Variants in NCOA6 observed in about 807,000 individuals in gnomAD.
NCOA6 encodes the protein nuclear receptor coactivator 6.
In NCOA6, 49 loss-of-function variants were observed where a neutral mutation model predicts 171.4. The observed-to-expected ratio is 0.29, with a 90% CI of 0.23 to 0.36. NCOA6 has a LOEUF of 0.36. Ranked by LOEUF, NCOA6 falls within the 10% of genes least tolerant of loss-of-function variation. The pLI is 1.00. For missense variants in NCOA6, 2,248 were observed against 2,554.5 expected (o/e 0.88, Z 2.59); for synonymous variants, 910 against 927.5 (o/e 0.98, Z 0.34).
chr20:34,809,488 T>C (rs1215546590), intron 1 of NCOA6: 4 of 398,538 alleles, frequency 1.0e-5, no homozygotes, highest in Non-Finnish European at 1.8e-5. Flanking sequence ...TCAGAAAAGT[T>C]AGTCAGTGGG....
intron 2 of NCOA6, among the ~76,000 whole-genome samples, chr20:34,785,187 CTGTTA>C (rs1342067316): frequency 6.6e-6 from 1 of 151,948 alleles, no homozygotes; most frequent in African/African-American, 2.4e-5. Context: ...AAAAATTCTT[CTGTTA>C]TAAGTAAATA....
chr20:34,776,696 A>G (rs1259728868), intron 3 of NCOA6: 11 of 607,448 alleles, frequency 1.8e-5, no homozygotes, highest in Non-Finnish European at 3.0e-5. Flanking sequence ...ACTATGAAAA[A>G]ACTACTTCAT....
chr20:34,789,012 T>C (rs1318003119), intron 2 of NCOA6, among the ~76,000 whole-genome samples: 2 of 152,230 alleles, frequency 1.3e-5, no homozygotes, highest in Non-Finnish European at 2.9e-5. Flanking sequence ...AATGAATTGC[T>C]AGATTATGTG....
chr20:34,793,082 C>CT (rs1261750497), intron 1 of NCOA6, among the ~76,000 whole-genome samples: 1 of 151,988 alleles, frequency 6.6e-6, no homozygotes, highest in East Asian at 1.9e-4. Context: ...TGCCCCCAGC[C>CT]TTTTTTGAGA....
intron 9 of NCOA6, among the ~76,000 whole-genome samples, chr20:34,748,271 T>C (rs1465064295): frequency 3.3e-5 from 5 of 152,110 alleles, no homozygotes; most frequent in Admixed American, 6.5e-5. Context: ...TCAGAAAAAT[T>C]AGATAATTAA....
At position 34,741,738 on chromosome 20, in the gene NCOA6, TTTAA is replaced by T. The variant is rs777727597; in HGVS notation, c.4514_4517del (p.Ile1505AsnfsTer10). ...CTTCCAGATCTGTAAGCCCAGGGGG[TTTAA>T]TTGTCACATTGGGAGCTCCAGAGTT... On this transcript the variant is annotated frameshift_variant, in exon 11 of 15. Transcript: ENST00000359003. LOFTEE classifies it high-confidence loss of function. 1.9e-6 allele frequency: 3 copies of T among 1,613,584 alleles called. No homozygotes were observed. Among genetic ancestry groups the T allele is most frequent in the Non-Finnish European group, 2.5e-6 (3 of 1,179,882 alleles).
chr20:34,780,120 C>CT (rs1161976288), intron 3 of NCOA6, among the ~76,000 whole-genome samples: 1 of 152,216 alleles, frequency 6.6e-6, no homozygotes, highest in African/African-American at 2.4e-5. Context: ...ATCATAGACA[C>CT]TGCAGGACTT....
rs189026688 is a variant in NCOA6, at chr20:34,796,532, G to A, written c.-163-3969C>T. ...AGCTACTCAGAAGGCTGAGGTGAGAGAATCACTTGAGCCCGGGAGGCAGAG... is the reference window on the plus strand; with the variant it reads ...AGCTACTCAGAAGGCTGAGGTGAGAAAATCACTTGAGCCCGGGAGGCAGAG... On this transcript the variant is annotated intron_variant, in intron 1 of 14. Transcript: ENST00000359003. Among the ~76,000 whole-genome samples the A allele has an allele frequency of 8.5e-5, 13 of 152,110 alleles. No homozygotes were observed. In the East Asian group the frequency reaches 2.5e-3, roughly 29 times the overall value.
chr20:34,797,807 G>C (rs2078127696), intron 1 of NCOA6, among the ~76,000 whole-genome samples: 1 of 152,064 alleles, frequency 6.6e-6, no homozygotes, highest in African/African-American at 2.4e-5. Flanking sequence ...AGAACTGCTT[G>C]AACCTGAACC....
chr20:34,749,277 A>C, intron 9 of NCOA6, 126 bp downstream of exon 9: 2 of 1,180,956 alleles, frequency 1.7e-6, no homozygotes, highest in Non-Finnish European at 2.4e-6. Flanking sequence ...ATGAGTTGAT[A>C]ATTATTGAAG....
In NCOA6 at chr20:34,780,172, C is replaced by T. The variant is rs73610872; in HGVS notation, c.235+1949G>A. Among the ~76,000 whole-genome samples the T allele has an allele frequency of 2.4e-3, 361 of 152,298 alleles. 12 individuals are homozygous for T. In the East Asian group the frequency reaches 0.063, roughly 27 times the overall value. On this transcript the variant is annotated intron_variant, in intron 3 of 14. Coordinates refer to ENST00000359003, the MANE Select transcript of NCOA6 (RefSeq NM_014071.5). Reference sequence around the variant, plus strand: ...ATGTTGGAATCTTGTACATATTCTACACAAACATCAAATTTGCTTATGGTA... The same window carrying T: ...ATGTTGGAATCTTGTACATATTCTATACAAACATCAAATTTGCTTATGGTA...
intron 13 of NCOA6, among the ~76,000 whole-genome samples, chr20:34,730,713 T>TTTA (rs1990508754): frequency 2.3e-4 from 1 of 4,378 alleles, no homozygotes; most frequent in African/African-American, 7.7e-4. Flanking sequence ...TGTTCTAGAC[T>TTTA]TTTTTTTTTT....
At chr20:34,732,222 G>T (rs2075806325) in intron 13 of NCOA6, among the ~76,000 whole-genome samples, 1 of 152,182 alleles carries the variant, frequency 6.6e-6, no homozygotes, top group South Asian at 2.1e-4. Flanking sequence ...TTAGAAGACA[G>T]CTGCAAGGAC....
intron 11 of NCOA6, 116 bp from the exon 12 acceptor site, chr20:34,736,874 T>A: frequency 1.2e-6 from 1 of 845,756 alleles, no homozygotes; most frequent in Non-Finnish European, 1.7e-6. Flanking sequence ...TAGAGGGCAG[T>A]ACTCAAAATT....
chr20:34,797,553 G>C (rs1043521442), intron 1 of NCOA6, among the ~76,000 whole-genome samples: 1 of 151,902 alleles, frequency 6.6e-6, no homozygotes, highest in African/African-American at 2.4e-5. Flanking sequence ...TCCCAGCTGT[G>C]GTGGCTACAG....
intron 2 of NCOA6, among the ~76,000 whole-genome samples, chr20:34,783,806 T>G (rs1003699862): frequency 5.3e-5 from 8 of 152,126 alleles, no homozygotes; most frequent in Admixed American, 2.6e-4. Context: ...GTAGTTTTAG[T>G]AGAGATGGGG....
At chr20:34,818,749 C>A (rs2078917716) in intron 1 of NCOA6, among the ~76,000 whole-genome samples, 1 of 152,224 alleles carries the variant, frequency 6.6e-6, no homozygotes, top group Non-Finnish European at 1.5e-5. Flanking sequence ...AGCATAGAAA[C>A]CTTGGCTAGA....
At chr20:34,812,026 G>C (rs1260082377) in intron 1 of NCOA6, among the ~76,000 whole-genome samples, 1 of 151,836 alleles carries the variant, frequency 6.6e-6, no homozygotes, top group African/African-American at 2.4e-5. Context: ...GAGGTGGGAG[G>C]ATCACAAGGT....
intron 7 of NCOA6, among the ~76,000 whole-genome samples, chr20:34,756,439 T>C (rs940779113): frequency 5.3e-5 from 8 of 152,138 alleles, no homozygotes; most frequent in African/African-American, 1.9e-4. Flanking sequence ...GGGGAGTATG[T>C]TTATCAGATG....
Sources: gnomAD v4.1 joint callset for allele counts (sites outside exome capture counted in the v4.1 genomes callset) on GRCh38, gnomAD v4.1.1 for gene constraint, MANE v1.5 for transcripts, NCBI Gene and HGNC (gene_info 2026-07-23, HGNC 2026-07-21) for gene names.